Variants in SLIT2 observed in about 807,000 individuals in gnomAD.
SLIT2 encodes slit guidance ligand 2.
Under a neutral mutation model 185.7 loss-of-function variants are expected in SLIT2, and 41 were observed. That is an observed-to-expected ratio of 0.22 (90% CI 0.17 to 0.29). The LOEUF is 0.29. Among genes scored for constraint, SLIT2 ranks in the 10% least tolerant of loss-of-function variants. The pLI, the probability that SLIT2 is intolerant of heterozygous loss-of-function variation, is 1.00. For missense variants in SLIT2, 1,571 were observed against 1,909.0 expected (o/e 0.82, Z 3.30); for synonymous variants, 693 against 680.2 (o/e 1.02, Z -0.29).
intron 4 of SLIT2, among the ~76,000 whole-genome samples, chr4:20,449,385 A>G (rs1278788074): frequency 6.6e-6 from 1 of 152,158 alleles, no homozygotes; most frequent in Non-Finnish European, 1.5e-5. Context: ...TTTAATTGAC[A>G]GAGAAAAAAC....
intron 30 of SLIT2, among the ~76,000 whole-genome samples, chr4:20,590,981 G>A (rs1439465088): frequency 6.6e-6 from 1 of 152,138 alleles, no homozygotes; most frequent in Non-Finnish European, 1.5e-5. Context: ...TAGCAAATAG[G>A]CTGGATTCTT....
At chr4:20,435,339 G>A (rs1450336668) in intron 4 of SLIT2, among the ~76,000 whole-genome samples, 1 of 152,134 alleles carries the variant, frequency 6.6e-6, no homozygotes, top group East Asian at 1.9e-4. Flanking sequence ...TAACTCCACT[G>A]GGAGAAAAAT....
chr4:20,501,920 A>G (rs1718771494), intron 9 of SLIT2, among the ~76,000 whole-genome samples: 1 of 152,166 alleles, frequency 6.6e-6, no homozygotes, highest in Admixed American at 6.5e-5. Flanking sequence ...GTGCAGAGAA[A>G]CCATTTTCAT....
intron 4 of SLIT2, among the ~76,000 whole-genome samples, chr4:20,294,348 C>G (rs1216625129): frequency 8.1e-6 from 1 of 123,534 alleles, no homozygotes; most frequent in Non-Finnish European, 1.7e-5. Flanking sequence ...GACTCTGTCT[C>G]AAAAAAAAAA....
chr4:20,489,734 A>G (rs997765780), intron 8 of SLIT2, among the ~76,000 whole-genome samples: 12 of 152,080 alleles, frequency 7.9e-5, no homozygotes, highest in African/African-American at 2.4e-5. Flanking sequence ...CAGTGAGCTG[A>G]GATCACACCA....
intron 4 of SLIT2, among the ~76,000 whole-genome samples, chr4:20,341,045 G>A (rs1577463520): frequency 1.3e-5 from 2 of 152,224 alleles, no homozygotes; most frequent in African/African-American, 4.8e-5. Flanking sequence ...AACAAATACA[G>A]AGAGATACAG....
chr4:20,403,709 T>G (rs1726534611), intron 4 of SLIT2, among the ~76,000 whole-genome samples: 1 of 151,998 alleles, frequency 6.6e-6, no homozygotes, highest in South Asian at 2.1e-4. Context: ...GACTGTGTTT[T>G]TGATACAAAT....
chr4:20,533,971 A>G (rs1051272598), intron 18 of SLIT2, among the ~76,000 whole-genome samples: 1 of 151,470 alleles, frequency 6.6e-6, no homozygotes, highest in African/African-American at 2.4e-5. Flanking sequence ...TGTGAATGCA[A>G]ATGGTCCTTT....
Position 20,433,383 on chromosome 4 carries a change from G to A in SLIT2, c.396-34369G>A, listed in dbSNP as rs1347165823. On this transcript the variant is annotated intron_variant, in intron 4 of 36. Coordinates refer to ENST00000504154, the MANE Select transcript of SLIT2 (RefSeq NM_004787.4). Reference sequence around the variant, plus strand: ...CTATAATAACATATTGTTAACATATGACATAATGATTAACTTAAATAAAGA... The same window carrying A: ...CTATAATAACATATTGTTAACATATAACATAATGATTAACTTAAATAAAGA... 3.9e-5 allele frequency among the ~76,000 whole-genome samples: 6 copies of A among 152,284 alleles called. No homozygotes were observed. The South Asian group carries it at 1.2e-3, about 32-fold the overall frequency.
intron 29 of SLIT2, among the ~76,000 whole-genome samples, chr4:20,573,756 A>G (rs1404533596): frequency 6.6e-6 from 1 of 152,022 alleles, no homozygotes; most frequent in Non-Finnish European, 1.5e-5. Context: ...ATTTATTGAA[A>G]CACTTTATGA....
Position 20,528,330 on chromosome 4 carries a change from T to A in SLIT2, c.1463-619T>A. The A allele has an allele frequency of 1.9e-6, 1 of 534,642 alleles. No individual in the cohort carries two copies. Among genetic ancestry groups the A allele is most frequent in the Non-Finnish European group, 3.8e-6 (1 of 260,080 alleles). The allele number at this position is 534,642 out of a possible 1,614,324, so 33.1% of individuals were successfully genotyped here. ...TTGATCTAACCATGTGGTTGCGAGG[T>A]ATGAGTAAAACATGGTTCCGTCAAG... is the stretch of plus-strand genomic sequence containing the variant. On this transcript the variant is annotated intron_variant, in intron 15 of 36. Transcript: ENST00000504154. The surrounding 1 kb of genome is among the most constrained non-coding windows in gnomAD (Gnocchi z 4.2).
chr4:20,557,260 A>G (rs1035708804), intron 26 of SLIT2, among the ~76,000 whole-genome samples: 2 of 152,108 alleles, frequency 1.3e-5, no homozygotes, highest in South Asian at 4.1e-4. Flanking sequence ...TATTGGAAGC[A>G]GATGTCATCT....
At chr4:20,376,020 A>G (rs919633686) in intron 4 of SLIT2, among the ~76,000 whole-genome samples, 6 of 151,898 alleles carry the variant, frequency 4.0e-5, no homozygotes, top group South Asian at 2.1e-4. Flanking sequence ...TTCAAAAACA[A>G]TAGACCCATT....
intron 11 of SLIT2, among the ~76,000 whole-genome samples, chr4:20,514,012 G>A (rs1424139665): frequency 6.6e-6 from 1 of 152,162 alleles, no homozygotes; most frequent in African/African-American, 2.4e-5. Flanking sequence ...TAATTAGGGT[G>A]GGAGAGGAAA....
intron 34 of SLIT2, chr4:20,616,689 A>T: frequency 2.2e-6 from 1 of 452,250 alleles, no homozygotes; most frequent in Non-Finnish European, 4.0e-6. Context: ...TAGGTATTTT[A>T]TTCTAGTTGT....
chr4:20,573,077 G>A (rs540701817), intron 29 of SLIT2, among the ~76,000 whole-genome samples: 19 of 152,202 alleles, frequency 1.2e-4, no homozygotes, highest in African/African-American at 2.2e-4. Flanking sequence ...ATGTTTGTGC[G>A]TGTGGCCCGG....
At chr4:20,308,340 A>G (rs997819404) in intron 4 of SLIT2, among the ~76,000 whole-genome samples, 4 of 152,212 alleles carry the variant, frequency 2.6e-5, no homozygotes, top group Admixed American at 6.5e-5. Flanking sequence ...GAGTGCTCCA[A>G]AGTGCCAATA....
At chr4:20,340,631 C>T (rs1282664782) in intron 4 of SLIT2, among the ~76,000 whole-genome samples, 2 of 152,012 alleles carry the variant, frequency 1.3e-5, no homozygotes, top group South Asian at 2.1e-4. Flanking sequence ...GATGGAGTCT[C>T]GCTCTGTCCC....
chr4:20,328,189 A>G (rs1310177308), intron 4 of SLIT2, among the ~76,000 whole-genome samples: 1 of 152,092 alleles, frequency 6.6e-6, no homozygotes, highest in African/African-American at 2.4e-5. Context: ...TTCAAATTGT[A>G]AGTAAATTTT....
Sources: allele counts gnomAD v4.1 joint callset (sites outside exome capture counted in the v4.1 genomes callset), GRCh38; gene constraint gnomAD v4.1.1; non-coding constraint Gnocchi (gnomAD v3.1); transcripts MANE v1.5; gene names NCBI Gene and HGNC (gene_info 2026-07-23, HGNC 2026-07-21).